SNRPA1: variants seen among roughly 807,000 people sequenced by gnomAD.
The protein encoded by SNRPA1 is small nuclear ribonucleoprotein polypeptide A'.
In SNRPA1, 5 loss-of-function variants were observed where a neutral mutation model predicts 32.3. The observed-to-expected ratio is 0.15, with a 90% CI of 0.08 to 0.33. SNRPA1 has a LOEUF of 0.33. Among genes scored for constraint, SNRPA1 ranks in the 10% least tolerant of loss-of-function variants. SNRPA1 has a pLI of 1.00. For synonymous variants in SNRPA1, 111 were observed against 120.1 expected (o/e 0.92, Z 0.50); for missense variants, 198 against 311.1 (o/e 0.64, Z 2.74).
intron 1 of SNRPA1, chr15:101,294,855 T>G (rs1246890342): frequency 2.4e-6 from 1 of 417,244 alleles, no homozygotes; most frequent in African/African-American, 2.1e-5. Flanking sequence ...CACCAGGAAG[T>G]AATGAAGTCA....
intron 3 of SNRPA1, among the ~76,000 whole-genome samples, chr15:101,289,418 T>C (rs1002412221): frequency 6.6e-6 from 1 of 152,082 alleles, no homozygotes; most frequent in Admixed American, 6.5e-5. Flanking sequence ...AACTCAAGAT[T>C]GAAAGAGAGT....
intron 8 of SNRPA1, 114 bp downstream of exon 8, chr15:101,284,853 T>C (rs1045643465): frequency 7.7e-6 from 6 of 782,488 alleles, no homozygotes; most frequent in Non-Finnish European, 1.4e-5. Flanking sequence ...ATATATTAGA[T>C]TTGATGTAAG....
chr15:101,292,137 G>T (rs915061882), intron 2 of SNRPA1, 97 bp from the exon 3 acceptor site: 2 of 840,722 alleles, frequency 2.4e-6, no homozygotes, highest in Non-Finnish European at 4.0e-6. Flanking sequence ...GACACTTAGA[G>T]ATCCTTCTTC....
At chr15:101,286,685 C>T (rs1182236374) in intron 5 of SNRPA1, 9 of 489,382 alleles carry the variant, frequency 1.8e-5, no homozygotes, top group Non-Finnish European at 3.3e-5. Flanking sequence ...CAGCACTTTG[C>T]GAACTTCGGA....
chr15:101,290,368 T>C (rs1305827198), intron 3 of SNRPA1, among the ~76,000 whole-genome samples: 2 of 152,190 alleles, frequency 1.3e-5, no homozygotes, highest in Non-Finnish European at 2.9e-5. Context: ...ACACATTGCC[T>C]ATAAATATGT....
intron 7 of SNRPA1, 28 bp downstream of exon 7, chr15:101,285,698 C>T (rs1324579316): frequency 6.7e-7 from 1 of 1,498,738 alleles, no homozygotes; most frequent in East Asian, 2.3e-5. Flanking sequence ...TAGCTCATTC[C>T]AGTCCAAGAA....
intron 8 of SNRPA1, among the ~76,000 whole-genome samples, chr15:101,284,373 C>T (rs903577257): frequency 5.3e-5 from 8 of 152,152 alleles, no homozygotes; most frequent in African/African-American, 7.2e-5. Context: ...CATGCACACA[C>T]GCAAATATAT....
At chr15:101,284,920 C>CT (rs1393289686) in intron 8 of SNRPA1, 47 bp downstream of exon 8, 1 of 1,416,384 alleles carries the variant, frequency 7.1e-7, no homozygotes, top group East Asian at 2.3e-5. Context: ...GAGTTACACT[C>CT]TGAGTGTAAC....
intron 5 of SNRPA1, chr15:101,286,501 AGGGG>A: frequency 1.9e-6 from 1 of 512,830 alleles, no homozygotes; most frequent in Admixed American, 3.7e-5. Flanking sequence ...AGCTCCAAGG[AGGGG>A]ATCCCAGGGA....
chr15:101,285,791 C>G lies in SNRPA1; in HGVS notation c.550G>C (p.Gly184Arg), dbSNP rs2039448836. Residue 184 changes from glycine (G) to arginine (R), a missense_variant, in exon 7 of 9, where the codon GGT becomes CGT. Gly to Arg is a moderately radical substitution (Grantham distance 125, BLOSUM62 -2). Transcript: ENST00000254193. ...IARRSKTFNP[G>R]AGLPTDKKKG... ...TTTTTGTCAGTTGGCAAACCAGCAC[C>G]TGGATTAAAACTTAAGAGGGGGAAG... 6.2e-7 allele frequency: 1 copy of G among 1,613,392 alleles called. No individual in the cohort carries two copies. The highest frequency in any genetic ancestry group is 1.1e-5 in the South Asian group (1 of 91,050).
At chr15:101,286,667 C>A in intron 5 of SNRPA1, 1 of 483,216 alleles carries the variant, frequency 2.1e-6, no homozygotes, top group African/African-American at 2.0e-5. Context: ...GACTGCTCAC[C>A]GTGGCCTCAG....
chr15:101,286,014 T>C (rs934095573), intron 6 of SNRPA1, 200 bp downstream of exon 6: 13 of 633,796 alleles, frequency 2.1e-5, no homozygotes, highest in Non-Finnish European at 3.1e-5. Context: ...GACTGACTAC[T>C]GAAATATTTG....
chr15:101,285,972 T>C (rs967682759), intron 6 of SNRPA1, 171 bp from the exon 7 acceptor site: 6 of 635,130 alleles, frequency 9.4e-6, no homozygotes, highest in South Asian at 2.0e-5. Context: ...TCTTCCTATA[T>C]AGAAAATAGG....
At chr15:101,285,386 T>C (rs2039443543) in intron 7 of SNRPA1, among the ~76,000 whole-genome samples, 1 of 152,206 alleles carries the variant, frequency 6.6e-6, no homozygotes, top group Non-Finnish European at 1.5e-5. Context: ...CGAGGGTCCC[T>C]ACTGATCAGT....
rs760113307 is a variant in SNRPA1, at chr15:101,285,759, A to C, written c.582T>G (p.Gly194=). The part of the protein sequence containing the change: ...GAGLPTDKKK[G]GPSPGDVEAI... ...CTTCTACATCCCCTGGAGATGGCCC[A>C]CCTTTCTTTTTGTCAGTTGGCAAAC... Residue 194 remains glycine, a synonymous_variant, in exon 7 of 9, where the codon GGT becomes GGG. Transcript: ENST00000254193. 1.9e-6 allele frequency: 3 copies of C among 1,613,940 alleles called. No homozygotes were observed. Among genetic ancestry groups the C allele is most frequent in the Non-Finnish European group, 2.5e-6 (3 of 1,179,876 alleles).
rs116101810 is a variant in SNRPA1, at chr15:101,283,266, C to T, written c.710-1484G>A. Among the ~76,000 whole-genome samples, 179 of 152,252 alleles carry T rather than the reference C, an allele frequency of 1.2e-3. 1 individual carries two copies. The highest frequency in any genetic ancestry group is 3.9e-3 in the African/African-American group (160 of 41,544). Reference sequence around the variant, plus strand: ...GGTGTTATTAGATGAAAACAGTCTTCGGCCAGGCGCGGTGGCTCACGCCTG... The same window carrying T: ...GGTGTTATTAGATGAAAACAGTCTTTGGCCAGGCGCGGTGGCTCACGCCTG... On this transcript the variant is annotated intron_variant, in intron 8 of 8. Transcript: ENST00000254193.
At position 101,286,747 on chromosome 15, in the gene SNRPA1, C is replaced by G. The variant is rs561386300; in HGVS notation, c.459+161G>C. ...CAACTTAAAAGTTCTATCATAAACT[C>G]TGCTATTAGAAAAAAATGTGATGTA... On this transcript the variant is annotated intron_variant, in intron 5 of 8. Coordinates refer to ENST00000254193, the MANE Select transcript of SNRPA1 (RefSeq NM_003090.4). The G allele has an allele frequency of 1.8e-4, 103 of 562,014 alleles. No individual in the cohort carries two copies. The Middle Eastern group carries it at 2.1e-3, about 12-fold the overall frequency. 34.8% of individuals were successfully genotyped at this position (562,014 alleles called of 1,614,324 possible).
At chr15:101,292,920 A>G in intron 2 of SNRPA1, 105 bp downstream of exon 2, 4 of 622,810 alleles carry the variant, frequency 6.4e-6, no homozygotes, top group Non-Finnish European at 9.9e-6. Context: ...AGAAAAAGAA[A>G]AAGAAACATG....
At chr15:101,285,230 G>C (rs1407749962) in intron 7 of SNRPA1, 170 bp from the exon 8 acceptor site, 7 of 549,846 alleles carry the variant, frequency 1.3e-5, no homozygotes, top group African/African-American at 1.9e-5. Flanking sequence ...AATAAAACTA[G>C]AAGCCAAACC....
Sources: gnomAD v4.1 joint callset for allele counts (sites outside exome capture counted in the v4.1 genomes callset) on GRCh38, gnomAD v4.1.1 for gene constraint, MANE v1.5 for transcripts, NCBI Gene and HGNC (gene_info 2026-07-23, HGNC 2026-07-21) for gene names.